The following EFNB2 variants were observed in gnomAD, a reference collection of about 807,000 sequenced individuals.
EFNB2 encodes ephrin-B2.
In EFNB2, 5 loss-of-function variants were observed where a neutral mutation model predicts 32.1. That is an observed-to-expected ratio of 0.16 (90% CI 0.08 to 0.33). The LOEUF is 0.33. Ranked by LOEUF, EFNB2 falls within the 10% of genes least tolerant of loss-of-function variation. The pLI is 1.00. For synonymous variants in EFNB2, 168 were observed against 166.5 expected (o/e 1.01, Z -0.07); for missense variants, 263 against 422.6 (o/e 0.62, Z 3.31).
chr13:106,506,949 T>A (rs182020134), intron 2 of EFNB2, among the ~76,000 whole-genome samples: 1 of 152,154 alleles, frequency 6.6e-6, no homozygotes, highest in Non-Finnish European at 1.5e-5. Flanking sequence ...AAGATGTTGA[T>A]CTGTTTCTCT....
rs940406486 is a variant in EFNB2 at position 106,518,466 on chromosome 13, G to A, written c.123-5654C>T. ...ACGAGCACATGCTTGTTTAAAACAC[G>A]GGCCTAATACACTGAAAACATAAAC... On this transcript the variant is annotated intron_variant, in intron 1 of 4. Coordinates refer to ENST00000646441, the MANE Select transcript of EFNB2 (RefSeq NM_004093.4). The surrounding 1 kb of genome is among the most constrained non-coding windows in gnomAD (Gnocchi z 4.1). 4 of 152,126 alleles carry A rather than the reference G, an allele frequency of 2.6e-5. No homozygotes were observed. The highest frequency in any genetic ancestry group is 7.2e-5 in the African/African-American group (3 of 41,418). The allele number at this position is 152,126 out of a possible 1,614,324, so 9.4% of individuals were successfully genotyped here.
chr13:106,529,994 T>C (rs1407251415), intron 1 of EFNB2, among the ~76,000 whole-genome samples: 1 of 152,202 alleles, frequency 6.6e-6, no homozygotes, highest in East Asian at 1.9e-4. Context: ...AACTACAAAA[T>C]GGATTACTAA....
At position 106,512,733 on chromosome 13, in the gene EFNB2, T is replaced by G; in HGVS notation, c.202A>C (p.Lys68Gln). Residue 68 changes from lysine to glutamine, a missense_variant, in exon 2 of 5, where the codon AAA (lysine) becomes CAA (glutamine). Around this residue, in one of 3 missense-constraint regions of EFNB2, gnomAD observed 45 missense variants for 128.6 expected, o/e 0.35. Coordinates refer to ENST00000646441, the MANE Select transcript of EFNB2 (RefSeq NM_004093.4). ...LDIICPKVDS[K>Q]TVGQYEYYKV... ...TAATATTCATACTGGCCAACAGTTT[T>G]AGAGTCCACTTTGGGGCAAATAATA... 1 of 1,613,850 alleles carries G rather than the reference T, an allele frequency of 6.2e-7. No homozygotes were observed. The highest frequency in any genetic ancestry group is 8.5e-7 in the Non-Finnish European group (1 of 1,179,884).
rs1878390661 is a variant in EFNB2 at position 106,491,189 on chromosome 13, G to A, written c.*1851C>T. The A allele has an allele frequency of 1.3e-5, 2 of 152,566 alleles. No homozygotes were observed. The highest frequency in any genetic ancestry group is 6.5e-5 in the Admixed American group (1 of 15,276). The allele number at this position is 152,566 out of a possible 1,614,324, so 9.5% of individuals were successfully genotyped here. ...CCCATAAGGCAAGGGAAAACCCAACGCAGAAATAAACGCCGGAACATCTTG... is the reference window on the plus strand; with the variant it reads ...CCCATAAGGCAAGGGAAAACCCAACACAGAAATAAACGCCGGAACATCTTG... On this transcript the variant is annotated 3_prime_UTR_variant, in exon 5 of 5. Coordinates refer to ENST00000646441, the MANE Select transcript of EFNB2 (RefSeq NM_004093.4).
At chr13:106,503,188 C>T (rs1244367193) in intron 2 of EFNB2, among the ~76,000 whole-genome samples, 1 of 151,726 alleles carries the variant, frequency 6.6e-6, no homozygotes, top group Non-Finnish European at 1.5e-5. Flanking sequence ...AGTCTAAGAT[C>T]TTACTGTTAA....
At chr13:106,524,357 A>G (rs921778528) in intron 1 of EFNB2, among the ~76,000 whole-genome samples, 7 of 152,246 alleles carry the variant, frequency 4.6e-5, no homozygotes, top group African/African-American at 7.2e-5. Context: ...CAGAAGATTA[A>G]AAGAGGGACC....
intron 1 of EFNB2, among the ~76,000 whole-genome samples, chr13:106,532,881 T>G (rs1350829139): frequency 6.6e-6 from 1 of 151,172 alleles, no homozygotes; most frequent in African/African-American, 2.4e-5. Flanking sequence ...TCTCGACACA[T>G]TACAAAAAGA....
At chr13:106,524,140 C>A (rs1486473600) in intron 1 of EFNB2, among the ~76,000 whole-genome samples, 1 of 152,052 alleles carries the variant, frequency 6.6e-6, no homozygotes, top group East Asian at 1.9e-4. Context: ...TTTGACATAA[C>A]CTTATTATAT....
chr13:106,509,028 G>A (rs533681754), intron 2 of EFNB2, among the ~76,000 whole-genome samples: 1 of 152,336 alleles, frequency 6.6e-6, no homozygotes, highest in African/African-American at 2.4e-5. Flanking sequence ...ATCCTATATT[G>A]CATTTGTATG....
chr13:106,531,076 G>T (rs1313277818), intron 1 of EFNB2, among the ~76,000 whole-genome samples: 1 of 152,220 alleles, frequency 6.6e-6, no homozygotes, highest in East Asian at 1.9e-4. Context: ...GGAGTCATCT[G>T]CATGTCTTTG....
chr13:106,513,076 C>T (rs192590452), intron 1 of EFNB2, among the ~76,000 whole-genome samples: 6 of 152,256 alleles, frequency 3.9e-5, no homozygotes, highest in Admixed American at 2.6e-4. Flanking sequence ...ATTTCTTTAC[C>T]ACCCCCTCGC....
intron 1 of EFNB2, chr13:106,520,164 T>C (rs1272975842): frequency 6.6e-6 from 1 of 152,216 alleles, no homozygotes; most frequent in Non-Finnish European, 1.5e-5. Context: ...ATATCACAGG[T>C]TTATTCCCAA....
intron 2 of EFNB2, among the ~76,000 whole-genome samples, chr13:106,507,827 G>A (rs747190971): frequency 5.3e-5 from 8 of 152,204 alleles, no homozygotes; most frequent in Non-Finnish European, 5.9e-5. Flanking sequence ...CCTTCGGAAA[G>A]ATGACTTACG....
In EFNB2 at chr13:106,534,589, G is replaced by A. The variant is rs3818378; in HGVS notation, c.122+254C>T. On this transcript the variant is annotated intron_variant, in intron 1 of 4. Coordinates refer to ENST00000646441, the MANE Select transcript of EFNB2 (RefSeq NM_004093.4). ...CCTTCCCGGACTTGACACCCGAGCC[G>A]ATAGTAGCTTTTAGCGCCTGGGAGC... Among the ~76,000 whole-genome samples, 46 of 152,312 alleles carry A rather than the reference G, an allele frequency of 3.0e-4. No individual in the cohort carries two copies. The East Asian group carries it at 5.6e-3, about 19-fold the overall frequency.
intron 1 of EFNB2, 48 bp downstream of exon 1, chr13:106,534,795 C>A: frequency 1.3e-6 from 2 of 1,569,600 alleles, no homozygotes; most frequent in Non-Finnish European, 1.7e-6. Flanking sequence ...CCGGACGGCG[C>A]GGCGGACCCC....
chr13:106,500,027 T>C (rs1878720057), intron 2 of EFNB2, among the ~76,000 whole-genome samples: 1 of 152,196 alleles, frequency 6.6e-6, no homozygotes, highest in Non-Finnish European at 1.5e-5. Context: ...TATACTTATC[T>C]GCAGTTCTTA....
chr13:106,504,208 G>A (rs1198374861), intron 2 of EFNB2, among the ~76,000 whole-genome samples: 1 of 152,182 alleles, frequency 6.6e-6, no homozygotes, highest in Non-Finnish European at 1.5e-5. Context: ...CAACCCTCTA[G>A]CTCTTTCTAC....
At chr13:106,515,524 C>T (rs1879283552) in intron 1 of EFNB2, among the ~76,000 whole-genome samples, 1 of 152,160 alleles carries the variant, frequency 6.6e-6, no homozygotes, top group South Asian at 2.1e-4. Flanking sequence ...CACACTGTGG[C>T]AAAACGTGAG....
In EFNB2 at chr13:106,495,749, T is replaced by G. The variant is rs1378141589; in HGVS notation, c.498A>C (p.Gln166His). ...RAMKILMKVG[Q>H]DASSAGSTRN... ...CATGAAGCAGCAGATGGTCTTTACC[T>G]TGTCCAACTTTCATGAGGATCTTCA... The change falls in exon 3 of 5, where the codon CAA (glutamine) becomes CAC (histidine). Residue 166 changes from glutamine to histidine, a missense_variant and splice_region_variant. Gln to His is a conservative substitution (Grantham distance 24). This residue lies in a region of EFNB2 where 172 missense variants were observed against 237.1 expected (regional missense o/e 0.73). Coordinates refer to ENST00000646441, the MANE Select transcript of EFNB2 (RefSeq NM_004093.4). The G allele has an allele frequency of 6.2e-7, 1 of 1,614,080 alleles. No homozygotes were observed. The highest frequency in any genetic ancestry group is 1.7e-5 in the Admixed American group (1 of 60,016).
Sources: gnomAD v4.1 joint callset for allele counts (sites outside exome capture counted in the v4.1 genomes callset) on GRCh38, gnomAD v4.1.1 for gene constraint, gnomAD v4.1.1 regional missense constraint, Gnocchi (gnomAD v3.1) non-coding constraint, MANE v1.5 for transcripts, NCBI Gene and HGNC (gene_info 2026-07-23, HGNC 2026-07-21) for gene names.